Variants in MEGF10 observed in about 807,000 individuals in gnomAD.
The protein encoded by MEGF10 is multiple epidermal growth factor-like domains protein 10.
A neutral mutation model predicts 147.5 loss-of-function variants in MEGF10; 86 were observed. The ratio of observed to expected loss-of-function variants is 0.58; its 90% CI spans 0.49 to 0.70. The LOEUF is 0.70. Among genes scored for constraint, MEGF10 ranks in the 30% least tolerant of loss-of-function variants. MEGF10 has a pLI of 0.00. For synonymous variants in MEGF10, 478 were observed against 525.5 expected (o/e 0.91, Z 1.24); for missense variants, 1,329 against 1,487.3 (o/e 0.89, Z 1.75).
the MEGF10 span, among the ~76,000 whole-genome samples, chr5:127,271,830 T>A: frequency 2.5e-3 from 374 of 152,364 alleles, 2 homozygotes; most frequent in South Asian, 3.7e-3. Context: ...ATCTCTTTCC[T>A]TTATTAATTA....
chr5:127,401,295 C>T (rs1019601366), intron 7 of MEGF10, among the ~76,000 whole-genome samples: 1 of 152,196 alleles, frequency 6.6e-6, no homozygotes, highest in African/African-American at 2.4e-5. Flanking sequence ...GTTACCTTAT[C>T]TTTGATTCTC....
chr5:127,396,631 C>G lies in MEGF10; in HGVS notation c.512C>G (p.Ala171Gly), dbSNP rs201824269. The G allele has an allele frequency of 3.2e-5, 51 of 1,613,778 alleles. No individual in the cohort carries two copies. Among genetic ancestry groups the G allele is most frequent in the Non-Finnish European group, 4.3e-5 (51 of 1,179,932 alleles). ...NPITGACHCA[A>G]GFRGWRCEDR... ...ATCACCGGGGCTTGCCACTGTGCTGCGGGCTTCCGGGGCTGGCGCTGCGAG... is the reference window on the plus strand; with the variant it reads ...ATCACCGGGGCTTGCCACTGTGCTGGGGGCTTCCGGGGCTGGCGCTGCGAG... Residue 171 changes from alanine to glycine, a missense_variant, in exon 6 of 25, where the codon GCG becomes GGG. Ala to Gly is a moderately conservative substitution (Grantham distance 60). Coordinates refer to ENST00000503335, the MANE Select transcript of MEGF10 (RefSeq NM_001256545.2).
intron 8 of MEGF10, among the ~76,000 whole-genome samples, chr5:127,403,956 C>G (rs1011466155): frequency 6.6e-6 from 1 of 152,010 alleles, no homozygotes; most frequent in African/African-American, 2.4e-5. Flanking sequence ...GGGTATATAC[C>G]CAGCAGTGGG....
intron 9 of MEGF10, among the ~76,000 whole-genome samples, chr5:127,417,081 G>A (rs1023344915): frequency 6.6e-6 from 1 of 152,242 alleles, no homozygotes; most frequent in Non-Finnish European, 1.5e-5. Flanking sequence ...GGGCCCTATT[G>A]TGTCAACTCA....
chr5:127,297,616 G>A (rs1396754765), intron 1 of MEGF10, among the ~76,000 whole-genome samples: 1 of 152,172 alleles, frequency 6.6e-6, no homozygotes, highest in Admixed American at 6.5e-5. Flanking sequence ...ACATGTGGTG[G>A]CAGGAATTTA....
intron 5 of MEGF10, among the ~76,000 whole-genome samples, chr5:127,396,129 C>T (rs1392528777): frequency 1.3e-5 from 2 of 152,142 alleles, no homozygotes; most frequent in South Asian, 4.1e-4. Flanking sequence ...ATCCAAACCC[C>T]TTAATATGCT....
chr5:127,307,881 A>G (rs1760086644), intron 1 of MEGF10, among the ~76,000 whole-genome samples: 1 of 152,160 alleles, frequency 6.6e-6, no homozygotes, highest in Non-Finnish European at 1.5e-5. Flanking sequence ...GTGGTGTGTA[A>G]ACCCCGGTCC....
At position 127,290,979 on chromosome 5, in the gene MEGF10, A is replaced by G. The variant is rs886059861; in HGVS notation, c.-96A>G. The stretch of plus-strand genomic sequence containing the variant: ...ACGCTAACCGCGTTGATTGGAACAG[A>G]TTTTGTGTCTTGGCTGGCTTTGGGT... On this transcript the variant is annotated 5_prime_UTR_variant, in exon 1 of 25. Coordinates refer to ENST00000503335, the MANE Select transcript of MEGF10 (RefSeq NM_001256545.2). 1.3e-5 allele frequency: 2 copies of G among 152,308 alleles called. No homozygotes were observed. Among genetic ancestry groups the G allele is most frequent in the Non-Finnish European group, 2.9e-5 (2 of 68,172 alleles). 9.4% of individuals were successfully genotyped at this position (152,308 alleles called of 1,614,324 possible). A position where few individuals can be genotyped will look rare whatever the true frequency, so the allele number is the denominator to read the frequency against.
the MEGF10 span, among the ~76,000 whole-genome samples, chr5:127,260,826 T>C: frequency 3.3e-5 from 5 of 152,306 alleles, no homozygotes; most frequent in East Asian, 9.7e-4. Context: ...GAAAATATGA[T>C]GTTAGTCAGT....
chr5:127,234,884 C>T, the MEGF10 span, among the ~76,000 whole-genome samples: 1 of 151,828 alleles, frequency 6.6e-6, no homozygotes, highest in African/African-American at 2.4e-5. Context: ...CACTCTGTCA[C>T]CCAGGCTGGA....
chr5:127,433,309 G>A (rs1765447278), intron 13 of MEGF10, 54 bp from the exon 14 acceptor site: 6 of 1,611,970 alleles, frequency 3.7e-6, no homozygotes, highest in Non-Finnish European at 4.2e-6. Flanking sequence ...ATTAGCATCT[G>A]CGGAAACTCC....
At chr5:127,246,270 CAGCCGTA>C in the MEGF10 span, among the ~76,000 whole-genome samples, 1 of 152,124 alleles carries the variant, frequency 6.6e-6, no homozygotes, top group Non-Finnish European at 1.5e-5. Context: ...GACTACTATG[CAGCCGTA>C]AGAAGAATGA....
rs147977705 is a variant in MEGF10, at chr5:127,358,881, A to G, written c.320-11029A>G. ...ACGTTACTTAAATCTGACTCAACCT[A>G]TAGAGACACACTGTGAGAGTTGTGG... On this transcript the variant is annotated intron_variant, in intron 4 of 24. Coordinates refer to ENST00000503335, the MANE Select transcript of MEGF10 (RefSeq NM_001256545.2). Among the ~76,000 whole-genome samples the G allele has an allele frequency of 5.9e-5, 9 of 152,302 alleles. No individual in the cohort carries two copies. The East Asian group carries it at 7.7e-4, about 13-fold the overall frequency.
At chr5:127,331,960 G>GA (rs769103726) in intron 2 of MEGF10, among the ~76,000 whole-genome samples, 1 of 152,166 alleles carries the variant, frequency 6.6e-6, no homozygotes, top group Non-Finnish European at 1.5e-5. Flanking sequence ...GCAATGATTG[G>GA]AAGGGGATCT....
At chr5:127,373,833 G>C (rs1380746108) in intron 5 of MEGF10, among the ~76,000 whole-genome samples, 1 of 152,196 alleles carries the variant, frequency 6.6e-6, no homozygotes, top group African/African-American at 2.4e-5. Flanking sequence ...TGTCCAAAAA[G>C]GAAACCCCAC....
chr5:127,305,444 G>A (rs1759969965), intron 1 of MEGF10, among the ~76,000 whole-genome samples: 1 of 152,136 alleles, frequency 6.6e-6, no homozygotes, highest in Admixed American at 6.5e-5. Context: ...GACATGTGAG[G>A]TGGTTCCTTG....
chr5:127,362,037 T>C (rs1762486017), intron 4 of MEGF10, among the ~76,000 whole-genome samples: 1 of 152,006 alleles, frequency 6.6e-6, no homozygotes, highest in Non-Finnish European at 1.5e-5. Flanking sequence ...TTACATCAAG[T>C]TGGTTTTTAG....
intron 1 of MEGF10, among the ~76,000 whole-genome samples, chr5:127,306,808 A>C (rs538466139): frequency 4.6e-5 from 7 of 152,222 alleles, no homozygotes; most frequent in Admixed American, 2.6e-4. Flanking sequence ...CGCTTCATTG[A>C]CTCAGTTCAA....
At chr5:127,278,018 A>G in the MEGF10 span, among the ~76,000 whole-genome samples, 1 of 152,168 alleles carries the variant, frequency 6.6e-6, no homozygotes, top group Non-Finnish European at 1.5e-5. Context: ...GAAGATCTAT[A>G]TTTAGGAGTG....
Sources: gnomAD v4.1 joint callset for allele counts (sites outside exome capture counted in the v4.1 genomes callset) on GRCh38, gnomAD v4.1.1 for gene constraint, MANE v1.5 for transcripts, NCBI Gene and HGNC (gene_info 2026-07-23, HGNC 2026-07-21) for gene names.